GOLM2: variants seen among roughly 807,000 people sequenced by gnomAD.
GOLM2 encodes the protein golgi membrane protein 2, also known as protein GOLM2.
GOLM2 carries 26 observed loss-of-function variants against 55.9 expected under a neutral mutation model. The ratio of observed to expected loss-of-function variants is 0.47; its 90% CI spans 0.34 to 0.65. The LOEUF is 0.65. GOLM2 is among the 30% of genes least tolerant of loss of function. The probability of loss-of-function intolerance (pLI) is 0.01; values close to 1 mark genes in which losing one functional copy is unlikely to be tolerated. For missense variants in GOLM2, 486 were observed against 531.8 expected (o/e 0.91, Z 0.85); for synonymous variants, 165 against 194.6 (o/e 0.85, Z 1.27).
chr15:44,299,440 G>A (rs925096813), intron 1 of GOLM2, among the ~76,000 whole-genome samples: 2 of 151,734 alleles, frequency 1.3e-5, no homozygotes, highest in African/African-American at 4.8e-5. Flanking sequence ...TTACAGGCAC[G>A]CACCACCACA....
In GOLM2 at chr15:44,289,142, G is replaced by T. The variant is rs1455468630; in HGVS notation, c.113G>T (p.Arg38Leu). 1 of 1,614,074 alleles carries T rather than the reference G, an allele frequency of 6.2e-7. No homozygotes were observed. Among genetic ancestry groups the T allele is most frequent in the African/African-American group, 1.3e-5 (1 of 74,944 alleles). The change falls in exon 1 of 10, where the codon CGC becomes CTC. Residue 38 changes from arginine (R) to leucine (L), a missense_variant. By Grantham distance (102) the Arg-to-Leu change is moderately radical. Transcript: ENST00000299957. The surrounding 1 kb of genome is among the most constrained non-coding windows in gnomAD (Gnocchi z 4.8). Reference protein sequence around the residue: ...LAFNYWSISSRHVLLQEEVAE... With the variant: ...LAFNYWSISSLHVLLQEEVAE... ...TTCAACTACTGGAGCATCTCCTCCC[G>T]CCACGTCCTGCTTCAGGAGGAGGTG...
At chr15:44,306,316 A>T (rs1326093697) in intron 1 of GOLM2, among the ~76,000 whole-genome samples, 1 of 150,846 alleles carries the variant, frequency 6.6e-6, no homozygotes, top group African/African-American at 2.4e-5. Flanking sequence ...TTTTTTTTTT[A>T]AACTTCATGA....
chr15:44,290,430 T>C (rs2078712394), intron 1 of GOLM2, among the ~76,000 whole-genome samples: 1 of 152,180 alleles, frequency 6.6e-6, no homozygotes, highest in African/African-American at 2.4e-5. Context: ...AAACTGTCTG[T>C]GAGCTTCTAA....
chr15:44,346,345 A>G (rs2079124456), intron 6 of GOLM2, among the ~76,000 whole-genome samples: 1 of 152,050 alleles, frequency 6.6e-6, no homozygotes, highest in South Asian at 2.1e-4. Flanking sequence ...CCTAAATTCC[A>G]TTCCAGAGAT....
At chr15:44,307,946 G>C (rs1595617915) in intron 1 of GOLM2, 2 of 152,238 alleles carry the variant, frequency 1.3e-5, no homozygotes, top group African/African-American at 4.8e-5. Flanking sequence ...GAATAGGAGA[G>C]TGTAATATAA....
chr15:44,405,169 G>C (rs1030659834), intron 9 of GOLM2, among the ~76,000 whole-genome samples: 2 of 152,002 alleles, frequency 1.3e-5, no homozygotes, highest in Non-Finnish European at 2.9e-5. Flanking sequence ...TCTACTTCAA[G>C]TCCCCAAGAC....
At chr15:44,332,944 T>G (rs115225586) in intron 4 of GOLM2, among the ~76,000 whole-genome samples, 5,102 of 152,214 alleles carry the variant, frequency 0.034, 248 homozygotes, top group African/African-American at 0.11. Flanking sequence ...TCATTTTTTT[T>G]TGTGTGTGTG....
At chr15:44,292,430 T>A (rs1239059594) in intron 1 of GOLM2, among the ~76,000 whole-genome samples, 3 of 152,122 alleles carry the variant, frequency 2.0e-5, no homozygotes, top group Admixed American at 1.3e-4. Flanking sequence ...TCTCCTGACC[T>A]CGTGATCCAC....
intron 6 of GOLM2, among the ~76,000 whole-genome samples, chr15:44,340,968 T>C (rs984000399): frequency 3.3e-5 from 5 of 152,196 alleles, no homozygotes; most frequent in African/African-American, 1.2e-4. Context: ...TGAGCAACAG[T>C]TGGCTACCTG....
intron 9 of GOLM2, among the ~76,000 whole-genome samples, chr15:44,412,673 CTTTAA>C (rs2079646209): frequency 6.6e-6 from 1 of 151,928 alleles, no homozygotes; most frequent in Non-Finnish European, 1.5e-5. Flanking sequence ...TCTACCAAAG[CTTTAA>C]TTTAAAGGAC....
At chr15:44,320,438 A>G (rs1036426248) in intron 1 of GOLM2, among the ~76,000 whole-genome samples, 3 of 152,104 alleles carry the variant, frequency 2.0e-5, no homozygotes, top group Admixed American at 1.3e-4. Context: ...AGCTAGGACT[A>G]CAGACATGTT....
In GOLM2 at chr15:44,295,917, T is replaced by TACACACACACACACAC. The variant is rs71421830; in HGVS notation, c.327+6577_327+6592dup. Among the ~76,000 whole-genome samples, 584 of 143,144 alleles carry TACACACACACACACAC rather than the reference T, an allele frequency of 4.1e-3. 4 individuals carry two copies. The highest frequency in any genetic ancestry group is 0.014 in the African/African-American group (551 of 38,846). 93.9% of individuals were successfully genotyped at this position (143,144 alleles called of 152,430 possible). On this transcript the variant is annotated intron_variant, in intron 1 of 9. Coordinates refer to ENST00000299957, the MANE Select transcript of GOLM2 (RefSeq NM_138423.4). ...TAGAACAAGGGAGATCCACCACACATACACACACACACACACACACACACA... is the reference window on the plus strand; with the variant it reads ...TAGAACAAGGGAGATCCACCACACATACACACACACACACACACACACACACACACACACACACACA...
intron 6 of GOLM2, among the ~76,000 whole-genome samples, chr15:44,378,158 C>A (rs1475224934): frequency 2.0e-5 from 3 of 151,256 alleles, no homozygotes; most frequent in Non-Finnish European, 4.4e-5. Flanking sequence ...ACGCCATTCT[C>A]CTGCCTCAGC....
At chr15:44,388,761 C>T (rs114412257) in intron 8 of GOLM2, among the ~76,000 whole-genome samples, 4,592 of 152,250 alleles carry the variant, frequency 0.03, 246 homozygotes, top group African/African-American at 0.1. Context: ...CATCCTCCTG[C>T]CTTAGCCTCT....
chr15:44,311,950 G>A (rs960791947), intron 1 of GOLM2, among the ~76,000 whole-genome samples: 4 of 151,986 alleles, frequency 2.6e-5, no homozygotes, highest in Non-Finnish European at 4.4e-5. Context: ...ATGCCAAGTC[G>A]TTAACATAGG....
At chr15:44,310,887 C>A (rs1221114877) in intron 1 of GOLM2, among the ~76,000 whole-genome samples, 1 of 151,982 alleles carries the variant, frequency 6.6e-6, no homozygotes, top group African/African-American at 2.4e-5. Context: ...CATGGTGGCA[C>A]ACACCTGTAA....
chr15:44,355,943 A>C (rs992880477), intron 6 of GOLM2, among the ~76,000 whole-genome samples: 1 of 152,248 alleles, frequency 6.6e-6, no homozygotes, highest in Non-Finnish European at 1.5e-5. Flanking sequence ...GGAAAATCCC[A>C]AAATATGTGG....
chr15:44,338,643 T>C (rs1446816761), intron 6 of GOLM2, among the ~76,000 whole-genome samples: 4 of 152,204 alleles, frequency 2.6e-5, no homozygotes, highest in Admixed American at 2.6e-4. Context: ...GGCTCTTTTC[T>C]TTCCCACCAA....
At chr15:44,373,925 AC>A (rs1277803852) in intron 6 of GOLM2, among the ~76,000 whole-genome samples, 2 of 152,100 alleles carry the variant, frequency 1.3e-5, no homozygotes, top group African/African-American at 2.4e-5. Context: ...ACATGGTGAA[AC>A]CCTGTTTCTA....
Sources: allele counts gnomAD v4.1 joint callset (sites outside exome capture counted in the v4.1 genomes callset), GRCh38; gene constraint gnomAD v4.1.1; non-coding constraint Gnocchi (gnomAD v3.1); transcripts MANE v1.5; gene names NCBI Gene and HGNC (gene_info 2026-07-23, HGNC 2026-07-21).